GPM6A: variants seen among roughly 807,000 people sequenced by gnomAD.
GPM6A encodes glycoprotein M6A.
GPM6A carries 7 observed loss-of-function variants against 32.1 expected under a neutral mutation model. That is an observed-to-expected ratio of 0.22 (90% CI 0.12 to 0.41). The LOEUF (loss-of-function observed/expected upper bound fraction) is 0.41. GPM6A is among the 10% of genes least tolerant of loss of function. GPM6A has a pLI of 1.00. For synonymous variants in GPM6A, 130 were observed against 123.4 expected (o/e 1.05, Z -0.35); for missense variants, 235 against 347.2 (o/e 0.68, Z 2.57).
At chr4:175,794,761 C>T (rs952852651) in intron 1 of GPM6A, among the ~76,000 whole-genome samples, 5 of 152,034 alleles carry the variant, frequency 3.3e-5, no homozygotes, top group Non-Finnish European at 5.9e-5. Flanking sequence ...GTACACATCA[C>T]GTGAGGGCAT....
intron 1 of GPM6A, among the ~76,000 whole-genome samples, chr4:175,941,988 TCCCAACAAC>T (rs1739427472): frequency 6.6e-6 from 1 of 152,186 alleles, no homozygotes; most frequent in Non-Finnish European, 1.5e-5. Flanking sequence ...TAATTTACAC[TCCCAACAAC>T]AATGTAAAAG....
At position 175,929,569 on chromosome 4, in the gene GPM6A, G is replaced by GT. The variant is rs113394518; in HGVS notation, c.-23+72739dup. On this transcript the variant is annotated intron_variant, in intron 1 of 7. Coordinates refer to the GPM6A transcript ENST00000280187. Reference sequence around the variant, plus strand: ...GAGGCATGTATACGACTTGCCAGGTGTAATATTACTCCTTCCTAAATCTAT... The same window carrying GT: ...GAGGCATGTATACGACTTGCCAGGTGTTAATATTACTCCTTCCTAAATCTAT... Among the ~76,000 whole-genome samples, 319 of 152,288 alleles carry GT rather than the reference G, an allele frequency of 2.1e-3. 1 individual carries two copies. The highest frequency in any genetic ancestry group is 7.0e-3 in the African/African-American group (293 of 41,576).
intron 1 of GPM6A, 72 bp from the exon 2 acceptor site, chr4:175,701,839 C>T: frequency 9.3e-7 from 1 of 1,069,624 alleles, no homozygotes; most frequent in Non-Finnish European, 1.4e-6. Flanking sequence ...CAAACTTCAG[C>T]ACTATGGGAA....
intron 3 of GPM6A, among the ~76,000 whole-genome samples, chr4:175,659,547 T>C (rs1282100774): frequency 6.6e-6 from 1 of 152,240 alleles, no homozygotes; most frequent in Non-Finnish European, 1.5e-5. Context: ...TGGATTATTA[T>C]GTTCCATAAA....
intron 2 of GPM6A, among the ~76,000 whole-genome samples, chr4:175,687,069 A>G (rs146184202): frequency 6.6e-6 from 1 of 152,202 alleles, no homozygotes; most frequent in African/African-American, 2.4e-5. Flanking sequence ...TCTCTACCAG[A>G]CTTCAGAACA....
intron 1 of GPM6A, among the ~76,000 whole-genome samples, chr4:175,893,451 A>T (rs573709391): frequency 4.6e-5 from 7 of 152,288 alleles, no homozygotes; most frequent in Non-Finnish European, 8.8e-5. Context: ...AGCATGGAGT[A>T]CCTAAAATCC....
In GPM6A at chr4:175,823,379, A is replaced by AT. The variant is rs577043838; in HGVS notation, c.-22-11131dup. The stretch of plus-strand genomic sequence containing the variant: ...CATTCACTTGAACCAATATTTAACA[A>AT]TAAGATACGTCAGTTAAGCCTAACC... On this transcript the variant is annotated intron_variant, in intron 1 of 7. Coordinates refer to the GPM6A transcript ENST00000280187. 2.9e-3 allele frequency among the ~76,000 whole-genome samples: 436 copies of AT among 152,368 alleles called. 1 individual carries two copies. The highest frequency in any genetic ancestry group is 9.9e-3 in the African/African-American group (413 of 41,586).
At chr4:175,645,514 A>G (rs527497836) in intron 4 of GPM6A, among the ~76,000 whole-genome samples, 2 of 152,158 alleles carry the variant, frequency 1.3e-5, no homozygotes, top group East Asian at 1.9e-4. Context: ...TGAGGTCAGG[A>G]GTTCGAGACC....
rs2581769 is a variant in GPM6A at position 175,776,281 on chromosome 4, T to A, written c.37+35910A>T. Reference sequence around the variant, plus strand: ...TTACCCCCTGTGTTAAGTCAATTTATATGTAAATTCTATGGAAAATTAGGT... The same window carrying A: ...TTACCCCCTGTGTTAAGTCAATTTAAATGTAAATTCTATGGAAAATTAGGT... On this transcript the variant is annotated intron_variant, in intron 1 of 6. Transcript: ENST00000393658. Among the ~76,000 whole-genome samples the A allele has an allele frequency of 6.1e-3, 922 of 152,318 alleles. 11 individuals carry two copies. The highest frequency in any genetic ancestry group is 0.021 in the African/African-American group (887 of 41,558).
chr4:175,839,957 C>T (rs936708516), intron 1 of GPM6A, among the ~76,000 whole-genome samples: 2 of 152,028 alleles, frequency 1.3e-5, no homozygotes, highest in Non-Finnish European at 2.9e-5. Context: ...ATTCCTGAAG[C>T]GAGAGAGACC....
intron 1 of GPM6A, among the ~76,000 whole-genome samples, chr4:175,750,806 C>G (rs750081265): frequency 1.3e-5 from 2 of 152,124 alleles, no homozygotes; most frequent in Non-Finnish European, 2.9e-5. Flanking sequence ...CTCCTGACCT[C>G]AAATGATCTG....
intron 1 of GPM6A, chr4:175,907,132 A>G (rs1350875839): frequency 6.6e-6 from 1 of 152,110 alleles, no homozygotes; most frequent in East Asian, 1.9e-4. Flanking sequence ...TGGCTGCCTT[A>G]CTACCTCTTC....
At chr4:175,785,961 TAA>T (rs1733781546) in intron 1 of GPM6A, among the ~76,000 whole-genome samples, 1 of 151,930 alleles carries the variant, frequency 6.6e-6, no homozygotes. Context: ...GAAGCAATTA[TAA>T]TAGAGTGCCA....
intron 1 of GPM6A, among the ~76,000 whole-genome samples, chr4:175,896,503 G>A (rs956053275): frequency 4.6e-5 from 7 of 152,114 alleles, no homozygotes; most frequent in Non-Finnish European, 8.8e-5. Context: ...CTCTTCAAAA[G>A]CCTTATTACT....
At chr4:175,756,641 T>G (rs886318112) in intron 1 of GPM6A, among the ~76,000 whole-genome samples, 1 of 152,012 alleles carries the variant, frequency 6.6e-6, no homozygotes, top group Non-Finnish European at 1.5e-5. Context: ...AGCAGACATA[T>G]CTAATGGGCA....
chr4:175,800,879 A>T (rs1454025208), intron 1 of GPM6A: 1 of 197,680 alleles, frequency 5.1e-6, no homozygotes, highest in Non-Finnish European at 1.2e-5. Flanking sequence ...GAGTCATGCC[A>T]CATGTATGGA....
At chr4:175,725,158 T>C (rs1746337765) in intron 1 of GPM6A, among the ~76,000 whole-genome samples, 1 of 152,170 alleles carries the variant, frequency 6.6e-6, no homozygotes, top group African/African-American at 2.4e-5. Flanking sequence ...AATATTTTAT[T>C]TTAGTGATAA....
intron 1 of GPM6A, among the ~76,000 whole-genome samples, chr4:175,707,810 C>T (rs1420600257): frequency 1.3e-5 from 2 of 152,058 alleles, no homozygotes; most frequent in Non-Finnish European, 2.9e-5. Context: ...AAGTTTGATG[C>T]TTGCGGTTGT....
chr4:175,888,305 A>T (rs908151486), intron 1 of GPM6A, among the ~76,000 whole-genome samples: 1 of 152,060 alleles, frequency 6.6e-6, no homozygotes, highest in African/African-American at 2.4e-5. Flanking sequence ...AAATCGATTA[A>T]AATTGTCCTA....
Sources: allele counts gnomAD v4.1 joint callset (sites outside exome capture counted in the v4.1 genomes callset), GRCh38; gene constraint gnomAD v4.1.1; transcripts MANE v1.5; gene names NCBI Gene and HGNC (gene_info 2026-07-23, HGNC 2026-07-21).